SUSD6: variants seen among roughly 807,000 people sequenced by gnomAD.
The protein encoded by SUSD6 is sushi domain-containing protein 6.
In SUSD6, 16 loss-of-function variants were observed where a neutral mutation model predicts 28.4. The ratio of observed to expected loss-of-function variants is 0.56; its 90% CI spans 0.38 to 0.86. The LOEUF (loss-of-function observed/expected upper bound fraction) is 0.86. SUSD6 is among the 40% of genes least tolerant of loss of function. The pLI is 0.00. For missense variants in SUSD6, 341 were observed against 384.2 expected (o/e 0.89, Z 0.94); for synonymous variants, 147 against 159.6 (o/e 0.92, Z 0.59).
intron 2 of SUSD6, among the ~76,000 whole-genome samples, chr14:69,686,619 A>G (rs1886077957): frequency 6.6e-6 from 1 of 152,238 alleles, no homozygotes; most frequent in African/African-American, 2.4e-5. Flanking sequence ...ATCATGGTGG[A>G]AGGCAAGGAA....
rs116026249 is a variant in SUSD6, at chr14:69,677,110, G to C, written c.121+18397G>C. 3.5e-3 allele frequency among the ~76,000 whole-genome samples: 526 copies of C among 152,342 alleles called. 2 individuals are homozygous for C. The highest frequency in any genetic ancestry group is 0.012 in the African/African-American group (494 of 41,562). ...AAACCAAGGAGGAATGGGGACAGTG[G>C]ATAATAAATTGTGTAAGTTAAGTTG... On this transcript the variant is annotated intron_variant, in intron 2 of 5. Transcript: ENST00000342745.
At chr14:69,629,242 G>C (rs757701926) in intron 1 of SUSD6, among the ~76,000 whole-genome samples, 1 of 151,968 alleles carries the variant, frequency 6.6e-6, no homozygotes, top group Admixed American at 6.6e-5. Flanking sequence ...CTTGGAGGGG[G>C]TGTAATGTTG....
chr14:69,630,860 A>G (rs1366546998), intron 1 of SUSD6, among the ~76,000 whole-genome samples: 1 of 152,220 alleles, frequency 6.6e-6, no homozygotes, highest in Non-Finnish European at 1.5e-5. Context: ...AATTGGGGTC[A>G]AGCGTACATG....
intron 2 of SUSD6, among the ~76,000 whole-genome samples, chr14:69,680,440 G>C (rs984812933): frequency 1.3e-5 from 2 of 152,154 alleles, no homozygotes; most frequent in African/African-American, 4.8e-5. Flanking sequence ...CGTGTCTCCA[G>C]TGTCTTTCTC....
At chr14:69,665,666 C>T (rs902475199) in intron 2 of SUSD6, among the ~76,000 whole-genome samples, 2 of 152,206 alleles carry the variant, frequency 1.3e-5, no homozygotes, top group African/African-American at 2.4e-5. Context: ...ATACCACCTG[C>T]AGCTCTCATG....
intron 1 of SUSD6, among the ~76,000 whole-genome samples, chr14:69,623,175 TC>T (rs902406890): frequency 1.3e-5 from 2 of 152,180 alleles, no homozygotes; most frequent in African/African-American, 4.8e-5. Flanking sequence ...GGTTCCTCCA[TC>T]CCCATCTCGT....
chr14:69,653,619 T>A (rs1885535382), intron 1 of SUSD6, among the ~76,000 whole-genome samples: 1 of 152,168 alleles, frequency 6.6e-6, no homozygotes, highest in South Asian at 2.1e-4. Flanking sequence ...TCTTCAGTGA[T>A]AATTTTTTTT....
rs1594727927 is a variant in SUSD6 at position 69,713,838 on chromosome 14, T to G, written c.*2859T>G. ...TTGTTTGTTTGTTGTTGGTGTTTGT[T>G]TTTTTTTTTTTTTTTTTGGCACACT... On this transcript the variant is annotated 3_prime_UTR_variant, in exon 6 of 6. Coordinates refer to ENST00000342745, the MANE Select transcript of SUSD6 (RefSeq NM_014734.4). 3.0e-5 allele frequency: 2 copies of G among 66,898 alleles called. No homozygotes were observed. The highest frequency in any genetic ancestry group is 6.9e-3 in the Middle Eastern group (1 of 144). The allele number at this position is 66,898 out of a possible 1,614,324, so 4.1% of individuals were successfully genotyped here.
chr14:69,693,107 C>G (rs1434485532), intron 2 of SUSD6, among the ~76,000 whole-genome samples: 1 of 152,238 alleles, frequency 6.6e-6, no homozygotes, highest in Admixed American at 6.5e-5. Flanking sequence ...TGTCATCCCA[C>G]CATCTGGAGG....
intron 1 of SUSD6, among the ~76,000 whole-genome samples, chr14:69,635,967 G>A (rs1349815945): frequency 6.6e-6 from 1 of 152,238 alleles, no homozygotes; most frequent in Non-Finnish European, 1.5e-5. Context: ...ATAGAACTGA[G>A]GATTGCCAGG....
chr14:69,628,361 G>C (rs766495531), intron 1 of SUSD6, among the ~76,000 whole-genome samples: 22 of 152,302 alleles, frequency 1.4e-4, no homozygotes, highest in Non-Finnish European at 3.2e-4. Context: ...TTGCTGATGG[G>C]GCTATGTTAC....
chr14:69,659,482 G>A (rs11846784), intron 2 of SUSD6, among the ~76,000 whole-genome samples: 34,772 of 152,108 alleles, frequency 0.23, 4,408 homozygotes, highest in African/African-American at 0.31. Context: ...CCTAGCAGGG[G>A]CTAGACATGC....
At chr14:69,706,276 C>G (rs189590491) in intron 4 of SUSD6, among the ~76,000 whole-genome samples, 1 of 152,086 alleles carries the variant, frequency 6.6e-6, no homozygotes, top group Non-Finnish European at 1.5e-5. Context: ...GTTTTCCCCC[C>G]TATAGTTAAC....
intron 2 of SUSD6, among the ~76,000 whole-genome samples, chr14:69,667,940 C>T (rs751023985): frequency 8.5e-5 from 13 of 152,194 alleles, no homozygotes; most frequent in Admixed American, 3.9e-4. Context: ...ACAGCCAGGC[C>T]AGTGATCATC....
intron 2 of SUSD6, among the ~76,000 whole-genome samples, chr14:69,690,765 G>T (rs543007667): frequency 6.6e-6 from 1 of 152,318 alleles, no homozygotes; most frequent in Admixed American, 6.5e-5. Flanking sequence ...CGCACAAGAT[G>T]AAGGAGGAAG....
At chr14:69,622,072 T>C (rs1441116353) in intron 1 of SUSD6, among the ~76,000 whole-genome samples, 1 of 152,224 alleles carries the variant, frequency 6.6e-6, no homozygotes, top group African/African-American at 2.4e-5. Flanking sequence ...CTTTCCTATA[T>C]ACTAATTATC....
At chr14:69,709,212 A>T in intron 5 of SUSD6, 108 bp downstream of exon 5, 5 of 1,058,222 alleles carry the variant, frequency 4.7e-6, no homozygotes, top group Non-Finnish European at 6.8e-6. Context: ...TAGCAAAAAA[A>T]AGATAGTACC....
At chr14:69,634,171 G>T (rs1290083844) in intron 1 of SUSD6, among the ~76,000 whole-genome samples, 1 of 152,220 alleles carries the variant, frequency 6.6e-6, no homozygotes, top group Non-Finnish European at 1.5e-5. Context: ...TTTGATCCAG[G>T]TTCTCTGCAT....
At chr14:69,684,285 C>T (rs1464545781) in intron 2 of SUSD6, among the ~76,000 whole-genome samples, 2 of 152,212 alleles carry the variant, frequency 1.3e-5, no homozygotes, top group Non-Finnish European at 2.9e-5. Flanking sequence ...TTACTACCTT[C>T]CTTTGTGCCT....
Sources: allele counts gnomAD v4.1 joint callset (sites outside exome capture counted in the v4.1 genomes callset), GRCh38; gene constraint gnomAD v4.1.1; transcripts MANE v1.5; gene names NCBI Gene and HGNC (gene_info 2026-07-23, HGNC 2026-07-21).